MCC: variants seen among roughly 807,000 people sequenced by gnomAD.
MCC encodes the protein colorectal mutant cancer protein.
Under a neutral mutation model 116.2 loss-of-function variants are expected in MCC, and 90 were observed. The observed-to-expected ratio is 0.77, with a 90% CI of 0.65 to 0.92. The LOEUF (loss-of-function observed/expected upper bound fraction) is 0.92, where lower values mean the gene tolerates loss of function less well. MCC is among the 40% of genes least tolerant of loss of function. The pLI is 0.00. For synonymous variants in MCC, 578 were observed against 510.5 expected, an observed-to-expected ratio of 1.13 and a Z score of -1.78; for missense variants, 1,516 against 1,312.2, an observed-to-expected ratio of 1.16 and a Z score of -2.40.
chr5:113,144,268 A>G (rs1759358718), intron 4 of MCC, among the ~76,000 whole-genome samples: 1 of 152,166 alleles, frequency 6.6e-6, no homozygotes, highest in Non-Finnish European at 1.5e-5. Context: ...ACTTCTCTCC[A>G]CTGCTCTCAA....
At chr5:113,033,817 G>A (rs1283703890) in intron 17 of MCC, among the ~76,000 whole-genome samples, 1 of 152,180 alleles carries the variant, frequency 6.6e-6, no homozygotes, top group African/African-American at 2.4e-5. Flanking sequence ...TCAGTTCCAC[G>A]TCTTCCCACT....
At chr5:113,146,764 T>C (rs752499926) in intron 4 of MCC, among the ~76,000 whole-genome samples, 1 of 152,202 alleles carries the variant, frequency 6.6e-6, no homozygotes, top group East Asian at 1.9e-4. Context: ...AGACACCCCA[T>C]ACAATTTCAG....
intron 14 of MCC, among the ~76,000 whole-genome samples, chr5:113,061,873 C>A (rs1480323571): frequency 6.6e-6 from 1 of 152,128 alleles, no homozygotes; most frequent in Non-Finnish European, 1.5e-5. Context: ...ATAAACTTGA[C>A]AAGGGGGAAT....
intron 3 of MCC, among the ~76,000 whole-genome samples, chr5:113,281,275 C>T (rs1161286614): frequency 2.0e-5 from 3 of 152,206 alleles, no homozygotes; most frequent in South Asian, 2.1e-4. Flanking sequence ...GCAACTCGTA[C>T]AGTAATTCAC....
chr5:113,097,820 G>A (rs1335631056), intron 8 of MCC, among the ~76,000 whole-genome samples: 1 of 152,180 alleles, frequency 6.6e-6, no homozygotes, highest in Non-Finnish European at 1.5e-5. Context: ...ACCGCACCTG[G>A]CCGAGGGTGA....
intron 1 of MCC, chr5:113,433,629 T>G (rs570899573): frequency 7.5e-7 from 1 of 1,337,864 alleles, no homozygotes; most frequent in African/African-American, 1.5e-5. Flanking sequence ...CTGATGAAAA[T>G]AGAGGCTCAT....
intron 17 of MCC, 146 bp from the exon 18 acceptor site, chr5:113,029,202 A>G (rs1345712955): frequency 9.9e-6 from 6 of 608,420 alleles, no homozygotes; most frequent in Admixed American, 3.6e-5. Context: ...AGGGCCCAAC[A>G]GCGCTACTGT....
intron 17 of MCC, among the ~76,000 whole-genome samples, chr5:113,039,782 G>A (rs1424268638): frequency 7.9e-6 from 1 of 125,838 alleles, no homozygotes; most frequent in African/African-American, 3.1e-5. Context: ...CCAAGAATAT[G>A]ACGGAGATGA....
chr5:113,054,674 TGG>T (rs1304103645), intron 14 of MCC, among the ~76,000 whole-genome samples: 1 of 152,218 alleles, frequency 6.6e-6, no homozygotes, highest in Non-Finnish European at 1.5e-5. Flanking sequence ...GGGTACCCCC[TGG>T]CCTTCACAGG....
chr5:113,225,775 C>G (rs901355150), intron 3 of MCC, among the ~76,000 whole-genome samples: 4 of 152,166 alleles, frequency 2.6e-5, no homozygotes, highest in Non-Finnish European at 5.9e-5. Flanking sequence ...AATGGAATGT[C>G]AGAACCAGAA....
intron 3 of MCC, among the ~76,000 whole-genome samples, chr5:113,153,292 G>C (rs376046604): frequency 1.1e-4 from 17 of 152,188 alleles, no homozygotes; most frequent in African/African-American, 4.1e-4. Flanking sequence ...TACTTCTGGG[G>C]GAAAGGGCTG....
intron 3 of MCC, among the ~76,000 whole-genome samples, chr5:113,161,230 C>A (rs2150297358): frequency 6.6e-6 from 1 of 152,284 alleles, no homozygotes; most frequent in East Asian, 1.9e-4. Flanking sequence ...AAGGGGGCTG[C>A]ATCCTAATGA....
intron 3 of MCC, among the ~76,000 whole-genome samples, chr5:113,271,917 TACTC>T (rs562440324): frequency 1.1e-4 from 17 of 152,170 alleles, no homozygotes; most frequent in Non-Finnish European, 2.2e-4. Flanking sequence ...ATTAATAAAT[TACTC>T]AGTCTGTGGC....
chr5:113,158,008 G>A (rs1288384717), intron 3 of MCC, among the ~76,000 whole-genome samples: 1 of 152,208 alleles, frequency 6.6e-6, no homozygotes, highest in Non-Finnish European at 1.5e-5. Context: ...AATGGGTGGG[G>A]AGCACAGACA....
chr5:113,467,670 C>A (rs1412302652), intron 1 of MCC, among the ~76,000 whole-genome samples: 1 of 152,050 alleles, frequency 6.6e-6, no homozygotes, highest in Non-Finnish European at 1.5e-5. Context: ...GACACGGGCT[C>A]TTTTTTGTTT....
At chr5:113,038,871 C>G (rs928599124) in intron 17 of MCC, among the ~76,000 whole-genome samples, 1 of 152,218 alleles carries the variant, frequency 6.6e-6, no homozygotes, top group African/African-American at 2.4e-5. Flanking sequence ...AGAACGGCCA[C>G]TGTGATTTGT....
At chr5:113,189,975 G>C (rs79478186) in intron 3 of MCC, among the ~76,000 whole-genome samples, 5,747 of 152,196 alleles carry the variant, frequency 0.038, 178 homozygotes, top group Non-Finnish European at 0.058. Context: ...GATCCCACTG[G>C]CTAATGGACC....
chr5:113,339,163 T>G (rs1169744763), intron 3 of MCC, among the ~76,000 whole-genome samples: 1 of 151,178 alleles, frequency 6.6e-6, no homozygotes, highest in African/African-American at 2.4e-5. Flanking sequence ...AAGGCGGAGG[T>G]TGCAGTGAGC....
chr5:113,178,682 A>G (rs1387064528), intron 3 of MCC, among the ~76,000 whole-genome samples: 1 of 152,230 alleles, frequency 6.6e-6, no homozygotes, highest in Non-Finnish European at 1.5e-5. Context: ...ACTGTCTTCT[A>G]TCACTGTTGC....
Sources: allele counts gnomAD v4.1 joint callset (sites outside exome capture counted in the v4.1 genomes callset), GRCh38; gene constraint gnomAD v4.1.1; transcripts MANE v1.5; gene names NCBI Gene and HGNC (gene_info 2026-07-23, HGNC 2026-07-21).